CPA6: variants seen among roughly 807,000 people sequenced by gnomAD.
CPA6 encodes carboxypeptidase A6, also known as carboxypeptidase B.
A neutral mutation model predicts 63.3 loss-of-function variants in CPA6; 58 were observed. That is an observed-to-expected ratio of 0.92 (90% CI 0.74 to 1.14). The LOEUF (loss-of-function observed/expected upper bound fraction) is 1.14, where lower values mean the gene tolerates loss of function less well. CPA6 is among the 50% of genes most tolerant of loss of function. The pLI, the probability that CPA6 is intolerant of heterozygous loss-of-function variation, is 0.00. For synonymous variants in CPA6, 185 were observed against 179.0 expected, an observed-to-expected ratio of 1.03 and a Z score of -0.27; for missense variants, 565 against 526.6, an observed-to-expected ratio of 1.07 and a Z score of -0.71.
At chr8:67,711,686 TAC>T (rs5892094) in intron 1 of CPA6, among the ~76,000 whole-genome samples, 8,007 of 133,204 alleles carry the variant, frequency 0.06, 213 homozygotes, top group Middle Eastern at 0.081. Flanking sequence ...TATGCCTGTG[TAC>T]ACACACACAC....
At chr8:67,683,901 T>C (rs1318646899) in intron 1 of CPA6, among the ~76,000 whole-genome samples, 1 of 150,396 alleles carries the variant, frequency 6.6e-6, no homozygotes, top group Non-Finnish European at 1.5e-5. Flanking sequence ...CATGGCTCAC[T>C]GTAACCTAAG....
At chr8:67,678,254 C>T (rs904386339) in intron 1 of CPA6, among the ~76,000 whole-genome samples, 2 of 151,868 alleles carry the variant, frequency 1.3e-5, no homozygotes, top group African/African-American at 2.4e-5. Flanking sequence ...CACACACACA[C>T]ACACACACAA....
At chr8:67,624,484 A>C (rs1479768446) in intron 1 of CPA6, among the ~76,000 whole-genome samples, 1 of 152,222 alleles carries the variant, frequency 6.6e-6, no homozygotes, top group African/African-American at 2.4e-5. Flanking sequence ...ACTCACATTT[A>C]ATGTTATAAA....
At chr8:67,425,526 C>T (rs1232517822) in intron 10 of CPA6, among the ~76,000 whole-genome samples, 7 of 152,050 alleles carry the variant, frequency 4.6e-5, no homozygotes, top group Admixed American at 2.6e-4. Flanking sequence ...AGGCGCACAC[C>T]GCCATGCCCA....
intron 1 of CPA6, among the ~76,000 whole-genome samples, chr8:67,685,654 G>T (rs77189355): frequency 0.014 from 2,110 of 152,166 alleles, 38 homozygotes; most frequent in African/African-American, 0.047. Flanking sequence ...AACTAGAATT[G>T]CTAACCACTG....
intron 2 of CPA6, among the ~76,000 whole-genome samples, chr8:67,548,584 CA>C (rs1053496114): frequency 6.6e-6 from 1 of 151,902 alleles, no homozygotes; most frequent in Non-Finnish European, 1.5e-5. Context: ...AGATAACGAC[CA>C]AAAAACAAAG....
intron 2 of CPA6, among the ~76,000 whole-genome samples, chr8:67,533,768 G>A (rs1297856945): frequency 6.6e-6 from 1 of 152,134 alleles, no homozygotes; most frequent in Admixed American, 6.5e-5. Context: ...ATCTTTCTGG[G>A]ATTTTTCCCA....
At chr8:67,708,375 A>G (rs891368697) in intron 1 of CPA6, among the ~76,000 whole-genome samples, 3 of 152,218 alleles carry the variant, frequency 2.0e-5, no homozygotes, top group Non-Finnish European at 2.9e-5. Flanking sequence ...GAACAATTGT[A>G]TACCTTTTAT....
chr8:67,636,886 T>C (rs1193728950), intron 1 of CPA6, among the ~76,000 whole-genome samples: 1 of 151,614 alleles, frequency 6.6e-6, no homozygotes, highest in Non-Finnish European at 1.5e-5. Flanking sequence ...AGATTATGTT[T>C]TGATGCACAT....
intron 2 of CPA6, among the ~76,000 whole-genome samples, chr8:67,560,263 G>A (rs1503370): frequency 0.44 from 65,973 of 151,132 alleles, 16,040 homozygotes; most frequent in Non-Finnish European, 0.54. Flanking sequence ...AGGAAATACT[G>A]CATCTCCCAA....
rs188521119 is a variant in CPA6 at position 67,457,954 on chromosome 8, C to T, written c.839-23714G>A. ...TGAAACCTATTGAAATCTTTCCATG[C>T]TGGGACGGGTCAGCTCAAAAGCTAC... On this transcript the variant is annotated intron_variant, in intron 8 of 10. Transcript: ENST00000297770. Among the ~76,000 whole-genome samples, 27 of 152,206 alleles carry T rather than the reference C, an allele frequency of 1.8e-4. No individual in the cohort carries two copies. In the East Asian group the frequency reaches 5.2e-3, roughly 29 times the overall value.
chr8:67,487,523 T>C (rs1811506922), intron 6 of CPA6, among the ~76,000 whole-genome samples: 2 of 152,234 alleles, frequency 1.3e-5, no homozygotes, highest in Admixed American at 6.5e-5. Flanking sequence ...AACGTGTGCA[T>C]GTGTCTTTAT....
At chr8:67,611,623 A>G (rs533787028) in intron 2 of CPA6, among the ~76,000 whole-genome samples, 5 of 152,070 alleles carry the variant, frequency 3.3e-5, no homozygotes, top group Non-Finnish European at 7.4e-5. Flanking sequence ...TTCTCCTTTG[A>G]TAGCTGGTCA....
At chr8:67,700,886 A>C (rs1817010034) in intron 1 of CPA6, among the ~76,000 whole-genome samples, 1 of 152,186 alleles carries the variant, frequency 6.6e-6, no homozygotes, top group Admixed American at 6.5e-5. Flanking sequence ...ATTGATTTTT[A>C]ATGATTTATT....
intron 2 of CPA6, among the ~76,000 whole-genome samples, chr8:67,545,914 A>G (rs1297154033): frequency 2.0e-5 from 3 of 152,096 alleles, no homozygotes; most frequent in Non-Finnish European, 4.4e-5. Context: ...TCTGTCATCC[A>G]TCGAGTAGAA....
intron 1 of CPA6, among the ~76,000 whole-genome samples, chr8:67,692,602 A>C (rs1816835557): frequency 6.6e-6 from 1 of 152,228 alleles, no homozygotes; most frequent in Non-Finnish European, 1.5e-5. Context: ...TGTGTAAATC[A>C]TGTCTTCCTA....
At chr8:67,717,251 A>T (rs1817401459) in intron 1 of CPA6, among the ~76,000 whole-genome samples, 1 of 152,166 alleles carries the variant, frequency 6.6e-6, no homozygotes. Context: ...TTTCAATCCA[A>T]ATTGCACAGA....
At chr8:67,623,853 T>C (rs1815136228) in intron 2 of CPA6, among the ~76,000 whole-genome samples, 1 of 150,890 alleles carries the variant, frequency 6.6e-6, no homozygotes, top group Non-Finnish European at 1.5e-5. Context: ...AGGTCAGGAG[T>C]TCAAGACCAG....
At chr8:67,430,386 G>C (rs1810001424) in intron 9 of CPA6, among the ~76,000 whole-genome samples, 1 of 151,800 alleles carries the variant, frequency 6.6e-6, no homozygotes, top group African/African-American at 2.4e-5. Flanking sequence ...CACCATGTTG[G>C]TCAGGCTGGT....
Sources: allele counts gnomAD v4.1 joint callset (sites outside exome capture counted in the v4.1 genomes callset), GRCh38; gene constraint gnomAD v4.1.1; transcripts MANE v1.5; gene names NCBI Gene and HGNC (gene_info 2026-07-23, HGNC 2026-07-21).